STK32B: variants seen among roughly 807,000 people sequenced by gnomAD.
STK32B encodes the protein serine/threonine-protein kinase 32B.
A neutral mutation model predicts 52.6 loss-of-function variants in STK32B; 43 were observed. That is an observed-to-expected ratio of 0.82 (90% CI 0.64 to 1.05). The LOEUF is 1.05. Among genes scored for constraint, STK32B ranks in the 50% least tolerant of loss-of-function variants. The probability of loss-of-function intolerance (pLI) is 0.00; values close to 1 mark genes in which losing one functional copy is unlikely to be tolerated. For synonymous variants in STK32B, 238 were observed against 204.3 expected, an observed-to-expected ratio of 1.17 and a Z score of -1.41; for missense variants, 621 against 534.6, an observed-to-expected ratio of 1.16 and a Z score of -1.59.
intron 3 of STK32B, among the ~76,000 whole-genome samples, chr4:5,211,824 A>T (rs1722923341): frequency 6.6e-6 from 1 of 152,264 alleles, no homozygotes; most frequent in Non-Finnish European, 1.5e-5. Context: ...ACTGTGAATC[A>T]CGCAAGCTCT....
intron 1 of STK32B, among the ~76,000 whole-genome samples, chr4:5,095,180 G>A (rs1021745687): frequency 1.3e-5 from 2 of 152,178 alleles, no homozygotes; most frequent in African/African-American, 2.4e-5. Flanking sequence ...TATGGCTGGG[G>A]TTCAGGTTCA....
At chr4:5,369,845 G>A (rs778985791) in intron 4 of STK32B, among the ~76,000 whole-genome samples, 1 of 152,056 alleles carries the variant, frequency 6.6e-6, no homozygotes, top group Non-Finnish European at 1.5e-5. Context: ...AATCATCAAG[G>A]TAGCTATCAA....
intron 4 of STK32B, among the ~76,000 whole-genome samples, chr4:5,365,747 T>C (rs1330908264): frequency 6.6e-6 from 1 of 152,216 alleles, no homozygotes; most frequent in South Asian, 2.1e-4. Context: ...TGGGAGCTTG[T>C]CTTTGCTGTT....
chr4:5,310,956 T>A (rs1224530963), intron 3 of STK32B, among the ~76,000 whole-genome samples: 1 of 152,188 alleles, frequency 6.6e-6, no homozygotes, highest in African/African-American at 2.4e-5. Context: ...AAATGTCACA[T>A]ATTCTCACTC....
intron 3 of STK32B, among the ~76,000 whole-genome samples, chr4:5,169,923 A>G (rs1442732158): frequency 6.6e-6 from 1 of 152,212 alleles, no homozygotes; most frequent in Non-Finnish European, 1.5e-5. Flanking sequence ...ATGACATATA[A>G]CTGTATGTGT....
intron 3 of STK32B, among the ~76,000 whole-genome samples, chr4:5,313,858 C>A (rs1417730147): frequency 1.3e-5 from 2 of 152,032 alleles, no homozygotes; most frequent in Non-Finnish European, 2.9e-5. Flanking sequence ...AGATAATAAA[C>A]CTAGATATAA....
chr4:5,439,141 TG>T (rs1223259364), intron 6 of STK32B, among the ~76,000 whole-genome samples: 1 of 147,712 alleles, frequency 6.8e-6, no homozygotes, highest in Non-Finnish European at 1.5e-5. Flanking sequence ...CTGGGTCAAA[TG>T]GTATTTCTAG....
intron 6 of STK32B, among the ~76,000 whole-genome samples, chr4:5,441,557 C>T (rs921139287): frequency 3.3e-5 from 5 of 151,448 alleles, no homozygotes; most frequent in South Asian, 2.1e-4. Context: ...AAAACCAGCT[C>T]CTGGATTCAT....
intron 8 of STK32B, among the ~76,000 whole-genome samples, chr4:5,459,426 G>A (rs1210942104): frequency 2.6e-5 from 4 of 152,160 alleles, no homozygotes; most frequent in East Asian, 1.9e-4. Context: ...CCAGCAGCTC[G>A]CCCAAGGTCA....
chr4:5,449,322 G>A (rs570855535), intron 7 of STK32B, among the ~76,000 whole-genome samples: 17 of 152,310 alleles, frequency 1.1e-4, no homozygotes, highest in African/African-American at 3.4e-4. Flanking sequence ...TAGCCTGGGT[G>A]TGACAGAGCA....
intron 1 of STK32B, among the ~76,000 whole-genome samples, chr4:5,126,914 A>G (rs11726208): frequency 0.16 from 23,828 of 152,084 alleles, 1,988 homozygotes; most frequent in African/African-American, 0.23. Flanking sequence ...GTCTACTGAT[A>G]TTTTTCAGTT....
chr4:5,039,975 G>A, the STK32B span, among the ~76,000 whole-genome samples: 14 of 152,288 alleles, frequency 9.2e-5, no homozygotes, highest in East Asian at 3.9e-4. Flanking sequence ...ACATGAGGAC[G>A]TCCCACACCA....
rs145065629 is a variant in STK32B, at chr4:5,423,508, A to G, written c.562+6574A>G. On this transcript the variant is annotated intron_variant, in intron 6 of 11. Transcript: ENST00000282908. Reference sequence around the variant, plus strand: ...GCCTGATGAAAGGTAACTACTCACAACCAGTAGCCAATATTAATGTGGTTG... The same window carrying G: ...GCCTGATGAAAGGTAACTACTCACAGCCAGTAGCCAATATTAATGTGGTTG... Among the ~76,000 whole-genome samples, 12 of 152,306 alleles carry G rather than the reference A, an allele frequency of 7.9e-5. No homozygotes were observed. The East Asian group carries it at 2.1e-3, about 27-fold the overall frequency.
chr4:5,156,104 TAC>T (rs1717811906), intron 2 of STK32B, among the ~76,000 whole-genome samples: 1 of 151,670 alleles, frequency 6.6e-6, no homozygotes, highest in South Asian at 2.1e-4. Context: ...TATACATATA[TAC>T]ACTCAATGTA....
intron 3 of STK32B, among the ~76,000 whole-genome samples, chr4:5,301,913 C>G (rs1346406088): frequency 6.6e-6 from 1 of 150,888 alleles, no homozygotes; most frequent in South Asian, 2.1e-4. Flanking sequence ...AGTGTTTAGT[C>G]CATTTATATT....
At chr4:5,154,897 T>G (rs1431186088) in intron 2 of STK32B, among the ~76,000 whole-genome samples, 1 of 152,154 alleles carries the variant, frequency 6.6e-6, no homozygotes, top group East Asian at 1.9e-4. Context: ...TGTGCGCAAA[T>G]CATGAATTAG....
At chr4:5,100,536 T>TTCCTTTCC (rs1331937359) in intron 1 of STK32B, among the ~76,000 whole-genome samples, 5 of 136,354 alleles carry the variant, frequency 3.7e-5, no homozygotes, top group African/African-American at 1.1e-4. Context: ...CTTTCCTTCC[T>TTCCTTTCC]TCCTTTCCTC....
chr4:5,317,500 T>TAA (rs1204627346), intron 3 of STK32B, among the ~76,000 whole-genome samples: 4 of 100,080 alleles, frequency 4.0e-5, no homozygotes, highest in African/African-American at 1.8e-4. Context: ...ATAATATATA[T>TAA]TATATATGTA....
chr4:5,493,804 A>ACAT, intron 11 of STK32B, among the ~76,000 whole-genome samples: 1 of 152,356 alleles, frequency 6.6e-6, no homozygotes, highest in South Asian at 2.1e-4. Context: ...GTTTCAAAGA[A>ACAT]CATCTTTATT....
Sources: allele counts gnomAD v4.1 joint callset (sites outside exome capture counted in the v4.1 genomes callset), GRCh38; gene constraint gnomAD v4.1.1; transcripts MANE v1.5; gene names NCBI Gene and HGNC (gene_info 2026-07-23, HGNC 2026-07-21).